GBF1: variants seen among roughly 807,000 people sequenced by gnomAD.
The protein encoded by GBF1 is Golgi-specific brefeldin A-resistance guanine nucleotide exchange factor 1.
A neutral mutation model predicts 210.5 loss-of-function variants in GBF1; 114 were observed. That is an observed-to-expected ratio of 0.54 (90% CI 0.47 to 0.63). GBF1 has a LOEUF of 0.63. Ranked by LOEUF, GBF1 falls within the 30% of genes least tolerant of loss-of-function variation. GBF1 has a pLI of 0.00. For missense variants in GBF1, 1,851 were observed against 2,357.7 expected (o/e 0.79, Z 4.45); for synonymous variants, 850 against 889.2 (o/e 0.96, Z 0.78).
intron 3 of GBF1, among the ~76,000 whole-genome samples, chr10:102,277,740 T>C (rs1474806938): frequency 6.6e-6 from 1 of 152,248 alleles, no homozygotes. Flanking sequence ...GGATATTCTC[T>C]TACTAATTTA....
chr10:102,362,478 G>T lies in GBF1; in HGVS notation c.1690G>T (p.Ala564Ser). The T allele has an allele frequency of 6.2e-7, 1 of 1,604,190 alleles. No individual in the cohort carries two copies. Among genetic ancestry groups the T allele is most frequent in the Non-Finnish European group, 8.5e-7 (1 of 1,171,552 alleles). Reference protein sequence around the residue: ...EELTKLLSKNAFPVSGQLYTT... With the variant: ...EELTKLLSKNSFPVSGQLYTT... The stretch of plus-strand genomic sequence containing the variant: ...AATTGATCTGTTTACTTTCCAGAAT[G>T]CCTTCCCTGTGTCTGGTCAACTCTA... The change falls in exon 15 of 40, where the codon GCC becomes TCC. Residue 564 changes from alanine to serine, a missense_variant. Transcript: ENST00000369983.
chr10:102,233,301 C>T, the GBF1 span, among the ~76,000 whole-genome samples: 8 of 88,372 alleles, frequency 9.1e-5, no homozygotes, highest in East Asian at 3.4e-4. Flanking sequence ...TTTTTTTTTC[C>T]TTCTTTTTTT....
At chr10:102,304,973 G>C (rs555338567) in intron 3 of GBF1, among the ~76,000 whole-genome samples, 1 of 141,688 alleles carries the variant, frequency 7.1e-6, no homozygotes, top group South Asian at 2.3e-4. Flanking sequence ...ATAGCAAGAC[G>C]CACATCTCTT....
At chr10:102,236,336 A>G in the GBF1 span, among the ~76,000 whole-genome samples, 2 of 152,252 alleles carry the variant, frequency 1.3e-5, no homozygotes, top group African/African-American at 2.4e-5. Flanking sequence ...ATGCCCAGGC[A>G]GGGACAGAGA....
chr10:102,382,205 CT>C lies in GBF1; in HGVS notation c.5453del (p.Leu1818ArgfsTer8). ...PLILQPLASP[L>X]QVGVPPMTLP... The stretch of plus-strand genomic sequence containing the variant: ...GATCCTGCAGCCCTTGGCCTCCCCA[CT>C]GCAGGTGGGCGTGCCACCTATGACT... On this transcript the variant is annotated frameshift_variant, in exon 40 of 40. Transcript: ENST00000369983. LOFTEE classifies it high-confidence loss of function. 8 of 1,614,158 alleles carry C rather than the reference CT, an allele frequency of 5.0e-6. No homozygotes were observed. Among genetic ancestry groups the C allele is most frequent in the Non-Finnish European group, 6.8e-6 (8 of 1,179,994 alleles).
chr10:102,373,129 T>C (rs529089605), intron 29 of GBF1, among the ~76,000 whole-genome samples: 13 of 152,232 alleles, frequency 8.5e-5, no homozygotes, highest in African/African-American at 2.9e-4. Context: ...GAAAGGTATC[T>C]GTAATATAAA....
At chr10:102,256,645 G>A (rs1565019181) in intron 1 of GBF1, among the ~76,000 whole-genome samples, 1 of 151,154 alleles carries the variant, frequency 6.6e-6, no homozygotes, top group Non-Finnish European at 1.5e-5. Context: ...TCAGCCACTC[G>A]AGTAGCTGGG....
In GBF1 at chr10:102,361,099, G is replaced by A; in HGVS notation, c.1470G>A (p.Glu490=). The change falls in exon 13 of 40, where the codon GAG becomes GAA. Residue 490 remains glutamate, a synonymous_variant. Transcript: ENST00000369983. ...TCCTACTGTTTGAGAGCATGCGAGA[G>A]CACCTCAAGTTCCAAATGGAGGTGA... ...VCFLLFESMR[E]HLKFQMEMYI... 1 of 1,593,684 alleles carries A rather than the reference G, an allele frequency of 6.3e-7. No individual in the cohort carries two copies. The highest frequency in any genetic ancestry group is 8.6e-7 in the Non-Finnish European group (1 of 1,161,374).
chr10:102,248,267 T>G (rs539082208), intron 1 of GBF1, among the ~76,000 whole-genome samples: 188 of 152,270 alleles, frequency 1.2e-3, no homozygotes, highest in African/African-American at 4.4e-3. Flanking sequence ...AGCTGCTGTT[T>G]AGCTGTTACT....
In GBF1 at chr10:102,382,099, C is replaced by T. The variant is rs2060895127; in HGVS notation, c.5346C>T (p.Ser1782=). 14 of 1,586,856 alleles carry T rather than the reference C, an allele frequency of 8.8e-6. No homozygotes were observed. The highest frequency in any genetic ancestry group is 1.1e-5 in the Non-Finnish European group (13 of 1,165,558). The change falls in exon 40 of 40, where the codon TCC becomes TCT. Residue 1782 remains serine, a synonymous_variant. Transcript: ENST00000369983. ...PESPRAASSS[S]PGSPVASSPS... ...GCCCCCGAGCCGCCAGCAGCAGCTC[C>T]CCAGGATCACCAGTGGCCTCAAGCC...
the GBF1 span, among the ~76,000 whole-genome samples, chr10:102,239,753 G>A: frequency 1.3e-5 from 2 of 152,210 alleles, no homozygotes; most frequent in East Asian, 1.9e-4. Context: ...ATATGGACTC[G>A]TTCTCCCTGT....
intron 3 of GBF1, among the ~76,000 whole-genome samples, chr10:102,281,242 G>C (rs566481312): frequency 2.0e-5 from 3 of 152,168 alleles, no homozygotes; most frequent in East Asian, 3.9e-4. Context: ...AAATAATTAC[G>C]TAAAGAAAAT....
Position 102,367,534 on chromosome 10 carries a change from C to T in GBF1, c.2616C>T (p.Ile872=), listed in dbSNP as rs1385380255. ...VNGGKDFEQD[I]LEDMYHAIKN... The stretch of plus-strand genomic sequence containing the variant: ...GAGGCAAGGACTTTGAGCAAGACAT[C>T]CTGGAGGACATGTACCATGCCATCA... The change falls in exon 21 of 40, where the codon ATC becomes ATT. Residue 872 remains isoleucine (I), a synonymous_variant. Transcript: ENST00000369983. The T allele has an allele frequency of 1.2e-6, 2 of 1,601,576 alleles. No individual in the cohort carries two copies. Among genetic ancestry groups the T allele is most frequent in the South Asian group, 2.2e-5 (2 of 90,872 alleles).
At chr10:102,336,310 A>G (rs1241083232) in intron 3 of GBF1, among the ~76,000 whole-genome samples, 1 of 146,826 alleles carries the variant, frequency 6.8e-6, no homozygotes, top group African/African-American at 2.7e-5. Flanking sequence ...AAAAAAAAAA[A>G]AAAAGAAAAA....
chr10:102,240,691 G>A (rs764310372), upstream of GBF1, among the ~76,000 whole-genome samples: 3 of 152,222 alleles, frequency 2.0e-5, no homozygotes, highest in African/African-American at 7.2e-5. Context: ...TTCTGAGGCG[G>A]CCTCAAGTCA....
intron 3 of GBF1, among the ~76,000 whole-genome samples, chr10:102,262,540 T>G (rs1349332356): frequency 6.6e-5 from 10 of 152,222 alleles, no homozygotes. Flanking sequence ...ATTGTTGTTA[T>G]AAGTGACTGG....
intron 3 of GBF1, among the ~76,000 whole-genome samples, chr10:102,329,869 G>T (rs1169461333): frequency 1.3e-5 from 2 of 152,128 alleles, no homozygotes; most frequent in Non-Finnish European, 2.9e-5. Flanking sequence ...AGCACTTTGG[G>T]AGGCTGAGGC....
intron 3 of GBF1, among the ~76,000 whole-genome samples, chr10:102,278,323 T>C (rs1010316343): frequency 1.3e-5 from 2 of 151,962 alleles, no homozygotes; most frequent in Non-Finnish European, 2.9e-5. Context: ...TCCATAACTG[T>C]TTACAGAGTC....
At chr10:102,315,525 G>A (rs559984388) in intron 3 of GBF1, among the ~76,000 whole-genome samples, 26 of 152,182 alleles carry the variant, frequency 1.7e-4, no homozygotes, top group Non-Finnish European at 3.4e-4. Context: ...GGGCTGGAGG[G>A]CAAGGGAGGT....
Sources: gnomAD v4.1 joint callset for allele counts (sites outside exome capture counted in the v4.1 genomes callset) on GRCh38, gnomAD v4.1.1 for gene constraint, MANE v1.5 for transcripts, NCBI Gene and HGNC (gene_info 2026-07-23, HGNC 2026-07-21) for gene names.